The following CNTNAP2 variants were observed in gnomAD, a reference collection of about 807,000 sequenced individuals.
The protein encoded by CNTNAP2 is contactin-associated protein-like 2.
CNTNAP2 carries 98 observed loss-of-function variants against 155.2 expected under a neutral mutation model. The observed-to-expected ratio is 0.63, with a 90% CI of 0.54 to 0.75. The LOEUF is 0.75. Among genes scored for constraint, CNTNAP2 ranks in the 30% least tolerant of loss-of-function variants. The pLI, the probability that CNTNAP2 is intolerant of heterozygous loss-of-function variation, is 0.00. For missense variants in CNTNAP2, 1,727 were observed against 1,688.1 expected (o/e 1.02, Z -0.40); for synonymous variants, 651 against 631.2 (o/e 1.03, Z -0.47).
intron 9 of CNTNAP2, among the ~76,000 whole-genome samples, chr7:147,354,334 A>C (rs1355316204): frequency 6.6e-6 from 1 of 152,134 alleles, no homozygotes; most frequent in East Asian, 1.9e-4. Flanking sequence ...GAAGAGGTCC[A>C]GTTTCAGTTT....
intron 13 of CNTNAP2, among the ~76,000 whole-genome samples, chr7:147,644,176 C>T (rs544737672): frequency 1.3e-5 from 2 of 152,228 alleles, no homozygotes; most frequent in African/African-American, 2.4e-5. Flanking sequence ...ATTAGTTCTA[C>T]CCAAACAGAG....
At chr7:147,406,496 C>G (rs1797007771) in intron 10 of CNTNAP2, among the ~76,000 whole-genome samples, 1 of 152,048 alleles carries the variant, frequency 6.6e-6, no homozygotes. Flanking sequence ...TCCATTTCCT[C>G]TTTGTATTGT....
chr7:146,649,786 A>G (rs77345065), intron 1 of CNTNAP2, among the ~76,000 whole-genome samples: 6,375 of 152,060 alleles, frequency 0.042, 169 homozygotes, highest in African/African-American at 0.047. Flanking sequence ...TTCTCTTCCT[A>G]TTTCTTGGGA....
chr7:146,842,516 T>G (rs1185439627), intron 3 of CNTNAP2, among the ~76,000 whole-genome samples: 2 of 152,022 alleles, frequency 1.3e-5, no homozygotes, highest in Non-Finnish European at 2.9e-5. Context: ...TACCTGAGAC[T>G]GGGTAATTTA....
At chr7:148,229,831 G>A in intron 20 of CNTNAP2, 52 bp downstream of exon 20, 1 of 1,606,464 alleles carries the variant, frequency 6.2e-7, no homozygotes, top group Non-Finnish European at 8.5e-7. Flanking sequence ...TATAGTCCCT[G>A]TCCCTATAAT....
chr7:147,736,648 T>G (rs1796850880), intron 13 of CNTNAP2, among the ~76,000 whole-genome samples: 1 of 152,228 alleles, frequency 6.6e-6, no homozygotes, highest in African/African-American at 2.4e-5. Flanking sequence ...TCCCGTCACT[T>G]TCAGGTACAC....
At chr7:146,495,788 T>A (rs183738034) in intron 1 of CNTNAP2, among the ~76,000 whole-genome samples, 1 of 152,146 alleles carries the variant, frequency 6.6e-6, no homozygotes, top group East Asian at 1.9e-4. Context: ...GGGTAAGGCA[T>A]GAGAATAAAG....
At chr7:147,254,132 T>C (rs1388609609) in intron 8 of CNTNAP2, among the ~76,000 whole-genome samples, 1 of 152,104 alleles carries the variant, frequency 6.6e-6, no homozygotes, top group East Asian at 1.9e-4. Context: ...ACAGGGCCTG[T>C]CTGTGAAAAT....
chr7:146,592,520 C>T (rs1314617173), intron 1 of CNTNAP2, among the ~76,000 whole-genome samples: 5 of 152,238 alleles, frequency 3.3e-5, no homozygotes, highest in East Asian at 1.9e-4. Flanking sequence ...AGCCATGTGT[C>T]GCTCCAATTC....
chr7:146,193,880 G>A (rs549525297), intron 1 of CNTNAP2, among the ~76,000 whole-genome samples: 23 of 152,228 alleles, frequency 1.5e-4, no homozygotes, highest in Non-Finnish European at 2.9e-4. Context: ...TTCTTCCAAT[G>A]GATACCCTAA....
chr7:147,227,562 G>A (rs979236204), intron 8 of CNTNAP2, among the ~76,000 whole-genome samples: 1 of 152,246 alleles, frequency 6.6e-6, no homozygotes, highest in Admixed American at 6.5e-5. Flanking sequence ...TGAATACGAC[G>A]TGTTAACAGA....
At chr7:148,352,172 A>C (rs1280420425) in intron 21 of CNTNAP2, among the ~76,000 whole-genome samples, 2 of 152,214 alleles carry the variant, frequency 1.3e-5, no homozygotes, top group East Asian at 3.9e-4. Context: ...GGTTTTAAGT[A>C]GTGAAGTGAC....
At chr7:146,832,948 G>A (rs576501467) in intron 2 of CNTNAP2, among the ~76,000 whole-genome samples, 2 of 151,926 alleles carry the variant, frequency 1.3e-5, no homozygotes, top group Admixed American at 1.3e-4. Flanking sequence ...CACCCGCCTC[G>A]GCCTCCCAAA....
At chr7:146,962,048 G>T (rs568377383) in intron 3 of CNTNAP2, among the ~76,000 whole-genome samples, 4 of 152,136 alleles carry the variant, frequency 2.6e-5, no homozygotes, top group African/African-American at 4.8e-5. Context: ...GACCTGTTTA[G>T]ATAACTCTAA....
chr7:147,205,538 T>G (rs1466245923), intron 8 of CNTNAP2, among the ~76,000 whole-genome samples: 1 of 151,908 alleles, frequency 6.6e-6, no homozygotes, highest in Admixed American at 6.6e-5. Context: ...TAATATAATA[T>G]TATTCAACTA....
chr7:146,861,626 C>T (rs1377215072), intron 3 of CNTNAP2, among the ~76,000 whole-genome samples: 1 of 151,974 alleles, frequency 6.6e-6, no homozygotes, highest in Non-Finnish European at 1.5e-5. Flanking sequence ...AATTCCCCTC[C>T]TAATTTAAAA....
At chr7:148,016,143 T>C (rs1200729604) in intron 15 of CNTNAP2, among the ~76,000 whole-genome samples, 1 of 152,226 alleles carries the variant, frequency 6.6e-6, no homozygotes, top group Non-Finnish European at 1.5e-5. Context: ...CAGTTTTGAA[T>C]GAAGACACCC....
At chr7:146,404,904 T>G (rs1795769251) in intron 1 of CNTNAP2, among the ~76,000 whole-genome samples, 1 of 152,156 alleles carries the variant, frequency 6.6e-6, no homozygotes, top group African/African-American at 2.4e-5. Context: ...TTAGTTCCGG[T>G]CTTCTACTGT....
chr7:147,364,205 A>G (rs184332952), intron 9 of CNTNAP2, among the ~76,000 whole-genome samples: 3 of 152,338 alleles, frequency 2.0e-5, no homozygotes, highest in Admixed American at 2.0e-4. Context: ...GCTAAGAAGA[A>G]TGTGGATAAA....
Sources: gnomAD v4.1 joint callset for allele counts (sites outside exome capture counted in the v4.1 genomes callset) on GRCh38, gnomAD v4.1.1 for gene constraint, MANE v1.5 for transcripts, NCBI Gene and HGNC (gene_info 2026-07-23, HGNC 2026-07-21) for gene names.